RBM26: variants seen among roughly 807,000 people sequenced by gnomAD.
RBM26 encodes the protein RNA binding motif protein 26.
RBM26 carries 30 observed loss-of-function variants against 123.6 expected under a neutral mutation model. The observed-to-expected ratio is 0.24, with a 90% confidence interval of 0.18 to 0.33. The LOEUF (loss-of-function observed/expected upper bound fraction) is 0.33. Among genes scored for constraint, RBM26 ranks in the 10% least tolerant of loss-of-function variants. The probability of loss-of-function intolerance (pLI) is 1.00; values close to 1 mark genes in which losing one functional copy is unlikely to be tolerated. For synonymous variants in RBM26, 400 were observed against 404.4 expected, an observed-to-expected ratio of 0.99 and a Z score of 0.13; for missense variants, 947 against 1,203.6, an observed-to-expected ratio of 0.79 and a Z score of 3.15.
intron 1 of RBM26, among the ~76,000 whole-genome samples, chr13:79,390,666 G>A (rs1236382980): frequency 2.0e-5 from 3 of 152,246 alleles, no homozygotes; most frequent in Non-Finnish European, 1.5e-5. Context: ...TGACATCTGC[G>A]ATTTACTCTG....
At chr13:79,353,305 C>A in intron 13 of RBM26, 81 bp from the exon 14 acceptor site, 1 of 787,220 alleles carries the variant, frequency 1.3e-6, no homozygotes, top group Non-Finnish European at 2.1e-6. Context: ...TCTGATTCTA[C>A]TAATATATAC....
Position 79,405,864 on chromosome 13 carries a change from G to A in RBM26, c.-90C>T, listed in dbSNP as rs531625076. ...GCTGCCCCCGCCCCCTCCTCCGCGC[G>A]CCGCCCGCGTGGGCCGCGGTGGGAG... On this transcript the variant is annotated 5_prime_UTR_variant, in exon 1 of 22. Coordinates refer to ENST00000438737, the MANE Select transcript of RBM26 (RefSeq NM_001366735.2). 504 of 766,006 alleles carry A rather than the reference G, an allele frequency of 6.6e-4. 2 individuals are homozygous for A. Among genetic ancestry groups the A allele is most frequent in the Admixed American group, 3.5e-3 (78 of 22,604 alleles). 47.5% of individuals were successfully genotyped at this position (766,006 alleles called of 1,614,324 possible). A position where few individuals can be genotyped will look rare whatever the true frequency, so the allele number is the denominator to read the frequency against.
chr13:79,344,183 T>C (rs1432144306), intron 16 of RBM26, 65 bp downstream of exon 16: 28 of 987,660 alleles, frequency 2.8e-5, no homozygotes. Context: ...CTAGGTAGCA[T>C]AAGATTAAGT....
intron 18 of RBM26, among the ~76,000 whole-genome samples, chr13:79,339,301 T>A (rs1193860639): frequency 1.3e-5 from 2 of 152,230 alleles, no homozygotes; most frequent in African/African-American, 4.8e-5. Flanking sequence ...GTGTACAATG[T>A]TTCAGTCAGA....
intron 19 of RBM26, among the ~76,000 whole-genome samples, 196 bp from the exon 20 acceptor site, chr13:79,334,626 C>T (rs1475139920): frequency 5.9e-5 from 9 of 152,080 alleles, no homozygotes; most frequent in Admixed American, 5.9e-4. Flanking sequence ...GTCTTCCAAT[C>T]TTACATACAA....
intron 7 of RBM26, 23 bp downstream of exon 7, chr13:79,366,610 G>A: frequency 2.7e-6 from 4 of 1,498,482 alleles, no homozygotes; most frequent in Non-Finnish European, 3.6e-6. Flanking sequence ...GATAAATACA[G>A]GGAAACAAAC....
At chr13:79,344,185 A>G (rs1481112941) in intron 16 of RBM26, 63 bp downstream of exon 16, 2 of 1,006,268 alleles carry the variant, frequency 2.0e-6, no homozygotes, top group Non-Finnish European at 3.2e-6. Flanking sequence ...AGGTAGCATA[A>G]GATTAAGTTC....
chr13:79,337,816 T>G (rs1053454173), intron 18 of RBM26, among the ~76,000 whole-genome samples: 2 of 152,180 alleles, frequency 1.3e-5, no homozygotes, highest in Non-Finnish European at 2.9e-5. Context: ...TTATTCTGTA[T>G]GATGATAGCA....
intron 1 of RBM26, among the ~76,000 whole-genome samples, chr13:79,392,041 A>G (rs13378998): frequency 1.0e-5 from 1 of 97,768 alleles, no homozygotes; most frequent in Non-Finnish European, 2.1e-5. Flanking sequence ...TATATATTAT[A>G]CAATACATTA....
chr13:79,366,587 C>G, intron 7 of RBM26, 46 bp downstream of exon 7: 1 of 1,471,862 alleles, frequency 6.8e-7, no homozygotes, highest in Non-Finnish European at 9.0e-7. Flanking sequence ...TAAAAATAGA[C>G]TAAGAATGGC....
chr13:79,324,305 T>C (rs920524920), intron 20 of RBM26, among the ~76,000 whole-genome samples: 18 of 152,016 alleles, frequency 1.2e-4, no homozygotes, highest in Admixed American at 4.6e-4. Flanking sequence ...TTTTCATAAA[T>C]ATCTCTCGAT....
intron 13 of RBM26, among the ~76,000 whole-genome samples, chr13:79,354,007 ATGGT>A (rs2139501099): frequency 6.6e-6 from 1 of 152,330 alleles, no homozygotes; most frequent in East Asian, 1.9e-4. Context: ...GCTTAACTTG[ATGGT>A]TTAAGCCTTC....
intron 1 of RBM26, among the ~76,000 whole-genome samples, chr13:79,395,366 C>T (rs546063080): frequency 6.6e-6 from 1 of 152,104 alleles, no homozygotes; most frequent in African/African-American, 2.4e-5. Context: ...TTAAAAAGAG[C>T]CAAATGGGAA....
At chr13:79,316,192 G>GGTGTGTGTGTGTGTGTGT (rs3064578), downstream of RBM26, among the ~76,000 whole-genome samples, 640 of 142,074 alleles carry the variant, frequency 4.5e-3, 4 homozygotes, top group South Asian at 0.012. Context: ...AAGTGGGGCA[G>GGTGTGTGTGTGTGTGTGT]GTGTGTGTGT....
chr13:79,342,106 C>T (rs9565489), intron 17 of RBM26, among the ~76,000 whole-genome samples: 76,523 of 151,424 alleles, frequency 0.51, 19,724 homozygotes, highest in Middle Eastern at 0.6. Context: ...AAATAAAATA[C>T]GAAATAAGGA....
chr13:79,383,528 AAGT>A (rs2077234542), intron 1 of RBM26, among the ~76,000 whole-genome samples: 1 of 152,170 alleles, frequency 6.6e-6, no homozygotes, highest in Non-Finnish European at 1.5e-5. Flanking sequence ...ATAAGAAAAT[AAGT>A]ATGTTGGGTT....
chr13:79,351,505 AAGG>A (rs2073210437), intron 14 of RBM26, among the ~76,000 whole-genome samples: 1 of 149,392 alleles, frequency 6.7e-6, no homozygotes, highest in African/African-American at 2.4e-5. Context: ...CAGAAATTCC[AAGG>A]AGGAGGTGGG....
intron 21 of RBM26, among the ~76,000 whole-genome samples, chr13:79,322,109 AG>A (rs907222919): frequency 4.0e-5 from 6 of 151,484 alleles, no homozygotes; most frequent in Admixed American, 1.3e-4. Flanking sequence ...ATTGTCTCTA[AG>A]GGTAAATAAA....
At chr13:79,361,025 C>T (rs187698351) in intron 9 of RBM26, among the ~76,000 whole-genome samples, 58 of 152,248 alleles carry the variant, frequency 3.8e-4, no homozygotes, top group Non-Finnish European at 6.5e-4. Flanking sequence ...GCTATGGTCT[C>T]CTGCAGGAGG....
Sources: gnomAD v4.1 joint callset for allele counts (sites outside exome capture counted in the v4.1 genomes callset) on GRCh38, gnomAD v4.1.1 for gene constraint, MANE v1.5 for transcripts, NCBI Gene and HGNC (gene_info 2026-07-23, HGNC 2026-07-21) for gene names.